ZNF718: variants seen among roughly 807,000 people sequenced by gnomAD.
ZNF718 encodes zinc finger protein 718.
In ZNF718, 3 loss-of-function variants were observed where a neutral mutation model predicts 2.6. The ratio of observed to expected loss-of-function variants is 1.16; its 90% CI spans 0.53 to 3.01. The LOEUF (loss-of-function observed/expected upper bound fraction) is 3.01. Among genes scored for constraint, ZNF718 ranks in the 30% most tolerant of loss-of-function variants. The pLI is 0.03. For synonymous variants in ZNF718, 135 were observed against 77.9 expected (o/e 1.73, Z -3.86); for missense variants, 468 against 230.0 (o/e 2.03, Z -6.69).
chr4:155,226 A>G (rs1232835366), intron 3 of ZNF718, among the ~76,000 whole-genome samples: 3 of 152,214 alleles, frequency 2.0e-5, no homozygotes, highest in Non-Finnish European at 4.4e-5. Context: ...CAGAAGGGAA[A>G]TGTGGGGTTG....
Position 124,649 on chromosome 4 carries a change from G to C in ZNF718, c.-22G>C. ...TTGGATGATTCGTATCTAAGACTCTGGGACACTCCTGAAGTCGGGAAATGG... is the reference window on the plus strand; with the variant it reads ...TTGGATGATTCGTATCTAAGACTCTCGGACACTCCTGAAGTCGGGAAATGG... On this transcript the variant is annotated 5_prime_UTR_variant, in exon 1 of 4. Transcript: ENST00000510175. 1 of 1,607,944 alleles carries C rather than the reference G, an allele frequency of 6.2e-7. No individual in the cohort carries two copies. Among genetic ancestry groups the C allele is most frequent in the Non-Finnish European group, 8.5e-7 (1 of 1,179,670 alleles).
chr4:169,602 G>T (rs1367776357), intron 3 of ZNF718, among the ~76,000 whole-genome samples: 1 of 152,164 alleles, frequency 6.6e-6, no homozygotes, highest in African/African-American at 2.4e-5. Context: ...TTACCATTAT[G>T]TAATGACCTT....
chr4:131,197 C>T (rs1246799744), intron 2 of ZNF718, among the ~76,000 whole-genome samples: 1 of 104,192 alleles, frequency 9.6e-6, no homozygotes. Flanking sequence ...GCAATTTGCA[C>T]TACTTATTTT....
rs552831989 is a variant in ZNF718 at position 201,404 on chromosome 4, G to C, written c.*102+193G>C. 3 of 152,444 alleles carry C rather than the reference G, an allele frequency of 2.0e-5. No homozygotes were observed. In the South Asian group the frequency reaches 6.2e-4, roughly 32 times the overall value. The allele number at this position is 152,444 out of a possible 1,614,324, so 9.4% of individuals were successfully genotyped here. A position where few individuals can be genotyped will look rare whatever the true frequency, so the allele number is the denominator to read the frequency against. On this transcript the variant is annotated intron_variant and NMD_transcript_variant, in intron 4 of 4. Coordinates refer to the ZNF718 transcript ENST00000642529. ...TTGGTGGGGTGGTTAGGTAGGAAAT[G>C]AGTAGCTTAGTATACTGGAAGGCTG...
At chr4:134,156 G>GTT (rs1354255887) in intron 3 of ZNF718, among the ~76,000 whole-genome samples, 1 of 151,852 alleles carries the variant, frequency 6.6e-6, no homozygotes, top group Non-Finnish European at 1.5e-5. Flanking sequence ...GTTTTGTTTT[G>GTT]TTTTGTTTTT....
intron 3 of ZNF718, among the ~76,000 whole-genome samples, chr4:140,511 G>A (rs782709953): frequency 2.6e-5 from 4 of 152,174 alleles, no homozygotes; most frequent in African/African-American, 4.8e-5. Context: ...TGGTTAATGT[G>A]TGATGCCCTC....
chr4:152,713 C>G (rs1371630261), intron 3 of ZNF718, among the ~76,000 whole-genome samples: 1 of 152,092 alleles, frequency 6.6e-6, no homozygotes, highest in African/African-American at 2.4e-5. Context: ...CCCCACAAAC[C>G]AAAGTGCTGG....
chr4:173,735 C>A (rs1482360250), intron 3 of ZNF718, among the ~76,000 whole-genome samples: 2 of 152,098 alleles, frequency 1.3e-5, no homozygotes, highest in African/African-American at 4.8e-5. Flanking sequence ...ATAAAATTGC[C>A]CAGAGAAACA....
intron 3 of ZNF718, among the ~76,000 whole-genome samples, chr4:139,800 A>G (rs1421160058): frequency 6.6e-6 from 1 of 152,110 alleles, no homozygotes; most frequent in African/African-American, 2.4e-5. Flanking sequence ...TTCTCTTTTC[A>G]TTTCCAACTT....
At chr4:147,970 C>G (rs1716141507) in intron 3 of ZNF718, among the ~76,000 whole-genome samples, 1 of 152,156 alleles carries the variant, frequency 6.6e-6, no homozygotes, top group Non-Finnish European at 1.5e-5. Flanking sequence ...ATGCTCTAAT[C>G]CAGTCATTGG....
At chr4:197,005 A>G (rs1553822125) in intron 3 of ZNF718, among the ~76,000 whole-genome samples, 1 of 147,084 alleles carries the variant, frequency 6.8e-6, no homozygotes, top group East Asian at 2.3e-4. Flanking sequence ...AGATGGGGGC[A>G]GCCCATCCCC....
chr4:190,304 C>T lies in ZNF718; in HGVS notation c.227-10777C>T, dbSNP rs536070089. Among the ~76,000 whole-genome samples the T allele has an allele frequency of 3.5e-4, 53 of 151,956 alleles. 1 individual carries two copies. The highest frequency in any genetic ancestry group is 1.3e-3 in the African/African-American group (53 of 41,408). On this transcript the variant is annotated intron_variant and NMD_transcript_variant, in intron 3 of 4. Transcript: ENST00000642529. ...AATTAGCCAGGCGTGGTGATGGGCG[C>T]CTGTAGTCCCAGCTACTCAGGAGGC...
chr4:142,185 G>A (rs1715842027), intron 3 of ZNF718: 1 of 369,384 alleles, frequency 2.7e-6, no homozygotes, highest in African/African-American at 2.1e-5. Context: ...CTCCCAAGAA[G>A]ATGGCATCCT....
At chr4:157,103 C>CTTTTTTTTTTTTTTTTTT (rs199814257) in intron 3 of ZNF718, among the ~76,000 whole-genome samples, 1 of 103,150 alleles carries the variant, frequency 9.7e-6, no homozygotes, top group Non-Finnish European at 1.9e-5. Context: ...TTCTTTCTTT[C>CTTTTTTTTTTTTTTTTTT]TTTTTTTTTT....
At chr4:149,828 G>T (rs1716236161) in intron 3 of ZNF718, 1 of 152,036 alleles carries the variant, frequency 6.6e-6, no homozygotes, top group Non-Finnish European at 1.5e-5. Flanking sequence ...TTTGCAATTT[G>T]CAGGTAATTT....
chr4:193,118 A>G (rs1717724975), intron 3 of ZNF718, among the ~76,000 whole-genome samples: 1 of 152,142 alleles, frequency 6.6e-6, no homozygotes, highest in African/African-American at 2.4e-5. Context: ...TCTGCTGAGT[A>G]CTGGGGCTTG....
At chr4:146,912 C>A (rs543527463) in intron 3 of ZNF718, among the ~76,000 whole-genome samples, 1 of 151,844 alleles carries the variant, frequency 6.6e-6, no homozygotes, top group Non-Finnish European at 1.5e-5. Flanking sequence ...TTTGTTCATG[C>A]ATTGTTGCAA....
At position 162,512 on chromosome 4, in the gene ZNF718, C is replaced by T. The variant is rs541733809; in HGVS notation, c.*390C>T. 1 of 160,034 alleles carries T rather than the reference C, an allele frequency of 6.2e-6. No homozygotes were observed. Among genetic ancestry groups the T allele is most frequent in the East Asian group, 1.8e-4 (1 of 5,464 alleles). 9.9% of individuals were successfully genotyped at this position (160,034 alleles called of 1,614,324 possible). A position where few individuals can be genotyped will look rare whatever the true frequency, so the allele number is the denominator to read the frequency against. ...GTTACTAAATATCAGAGAGTTTGTA[C>T]TTAATAAAAGGATTATAAATGTAGT... On this transcript the variant is annotated 3_prime_UTR_variant, in exon 4 of 4. Coordinates refer to ENST00000510175, the MANE Select transcript of ZNF718 (RefSeq NM_001039127.6).
intron 3 of ZNF718, among the ~76,000 whole-genome samples, chr4:133,867 G>A (rs1278470843): frequency 6.6e-6 from 1 of 152,162 alleles, no homozygotes; most frequent in Non-Finnish European, 1.5e-5. Flanking sequence ...ATAAAATATA[G>A]TCAAGTTAGT....
Sources: gnomAD v4.1 joint callset for allele counts (sites outside exome capture counted in the v4.1 genomes callset) on GRCh38, gnomAD v4.1.1 for gene constraint, MANE v1.5 for transcripts, NCBI Gene and HGNC (gene_info 2026-07-23, HGNC 2026-07-21) for gene names.